GKAP1: variants seen among roughly 807,000 people sequenced by gnomAD.
The protein encoded by GKAP1 is G kinase anchoring protein 1, also known as G kinase-anchoring protein 1.
Under a neutral mutation model 56.7 loss-of-function variants are expected in GKAP1, and 31 were observed. The observed-to-expected ratio is 0.55, with a 90% CI of 0.41 to 0.74. GKAP1 has a LOEUF of 0.74. GKAP1 is among the 30% of genes least tolerant of loss of function. GKAP1 has a pLI of 0.00. For missense variants in GKAP1, 364 were observed against 402.3 expected (o/e 0.90, Z 0.82); for synonymous variants, 151 against 138.6 (o/e 1.09, Z -0.63).
chr9:83,789,710 C>A (rs149930359), intron 4 of GKAP1, among the ~76,000 whole-genome samples: 65 of 152,154 alleles, frequency 4.3e-4, no homozygotes, highest in African/African-American at 1.5e-3. Flanking sequence ...AAGGTGGGGG[C>A]AAGTGATCCA....
In GKAP1 at chr9:83,793,058, T is replaced by C. The variant is rs140261099; in HGVS notation, c.361-4380A>G. 1.4e-3 allele frequency: 1,496 copies of C among 1,046,728 alleles called. 23 individuals carry two copies. The African/African-American group carries it at 0.022, about 15-fold the overall frequency. The allele number at this position is 1,046,728 out of a possible 1,614,324, so 64.8% of individuals were successfully genotyped here. A position where few individuals can be genotyped will look rare whatever the true frequency, so the allele number is the denominator to read the frequency against. ...TTTTTCTTCTATTTAAGCAAACCTA[T>C]AGCTCAATCAGTTAAAGAGTATGAA... On this transcript the variant is annotated intron_variant, in intron 4 of 12. Coordinates refer to ENST00000376371, the MANE Select transcript of GKAP1 (RefSeq NM_025211.4).
chr9:83,767,286 G>A (rs1434451303), intron 8 of GKAP1, among the ~76,000 whole-genome samples: 1 of 152,080 alleles, frequency 6.6e-6, no homozygotes, highest in Non-Finnish European at 1.5e-5. Flanking sequence ...TGTAGCAGAG[G>A]CTGGCAAACT....
Position 83,742,000 on chromosome 9 carries a change from T to C in GKAP1, c.1005A>G (p.Gln335=), listed in dbSNP as rs767665536. ...QVTSLHAALE[Q]ERSKVKVLQA... ...GTAATACTTTCACTTTAGATCTTTC[T>C]TGTTCTAATGCAGCATGAAGTGAAG... The change falls in exon 12 of 13, where the codon CAA becomes CAG. Residue 335 remains glutamine (Q), a synonymous_variant. Coordinates refer to ENST00000376371, the MANE Select transcript of GKAP1 (RefSeq NM_025211.4). 1 of 1,592,872 alleles carries C rather than the reference T, an allele frequency of 6.3e-7. No homozygotes were observed. The highest frequency in any genetic ancestry group is 1.4e-5 in the African/African-American group (1 of 73,622).
In GKAP1 at chr9:83,790,474, C is replaced by T. The variant is rs184007443; in HGVS notation, c.361-1796G>A. On this transcript the variant is annotated intron_variant, in intron 4 of 12. Coordinates refer to ENST00000376371, the MANE Select transcript of GKAP1 (RefSeq NM_025211.4). The stretch of plus-strand genomic sequence containing the variant: ...TTCACTAAACTTAAAGGACAGTAAT[C>T]ATCCTAACAGAAAAATTAACAAAAC... Among the ~76,000 whole-genome samples, 478 of 152,206 alleles carry T rather than the reference C, an allele frequency of 3.1e-3. 2 individuals carry two copies. Among genetic ancestry groups the T allele is most frequent in the African/African-American group, 0.011 (458 of 41,530 alleles).
chr9:83,777,709 GA>G (rs201935130), intron 7 of GKAP1, among the ~76,000 whole-genome samples: 2 of 150,688 alleles, frequency 1.3e-5, no homozygotes, highest in Non-Finnish European at 3.0e-5. Flanking sequence ...GAGTAGCCAT[GA>G]AAAAAAAATC....
intron 5 of GKAP1, among the ~76,000 whole-genome samples, chr9:83,785,510 C>T (rs1032544716): frequency 2.0e-5 from 3 of 152,176 alleles, no homozygotes; most frequent in South Asian, 2.1e-4. Flanking sequence ...CTGCCTTCCC[C>T]ACTCGATCCT....
Position 83,794,239 on chromosome 9 carries a change from T to G in GKAP1, c.360+4946A>C, listed in dbSNP as rs1944208026. ...GACCAGTGGCCTGAAGATATCACAG[T>G]TTTTGTTTCACTTTCAAACAAAGCC... On this transcript the variant is annotated intron_variant, in intron 4 of 12. Transcript: ENST00000376371. Among the ~76,000 whole-genome samples, 3 of 152,066 alleles carry G rather than the reference T, an allele frequency of 2.0e-5. No individual in the cohort carries two copies. In the South Asian group the frequency reaches 6.2e-4, roughly 32 times the overall value.
chr9:83,764,190 C>T (rs1943622768), intron 8 of GKAP1, among the ~76,000 whole-genome samples: 1 of 152,026 alleles, frequency 6.6e-6, no homozygotes, highest in Admixed American at 6.6e-5. Context: ...TGGCTCTGTC[C>T]CCACCCAAAT....
intron 9 of GKAP1, 164 bp from the exon 10 acceptor site, chr9:83,748,536 A>AAATTATACAATTTAATTTAT (rs1943332663): frequency 4.4e-6 from 2 of 450,800 alleles, no homozygotes; most frequent in South Asian, 7.1e-5. Context: ...TCTACAACTT[A>AAATTATACAATTTAATTTAT]AATTAAGTCC....
intron 8 of GKAP1, among the ~76,000 whole-genome samples, chr9:83,763,705 G>A (rs1943613234): frequency 6.6e-6 from 1 of 151,960 alleles, no homozygotes; most frequent in Admixed American, 6.6e-5. Context: ...CTTTTCTGGG[G>A]CTCACCATTT....
intron 2 of GKAP1, among the ~76,000 whole-genome samples, chr9:83,812,492 C>T (rs1423966307): frequency 6.6e-6 from 1 of 150,936 alleles, no homozygotes. Context: ...GGACTACAGG[C>T]ACGTGACACC....
chr9:83,809,747 T>A (rs1944482644), intron 2 of GKAP1, among the ~76,000 whole-genome samples: 1 of 152,254 alleles, frequency 6.6e-6, no homozygotes, highest in African/African-American at 2.4e-5. Flanking sequence ...TAGAGCTTTG[T>A]CATTAAACAC....
chr9:83,764,479 C>T (rs1419039938), intron 8 of GKAP1, among the ~76,000 whole-genome samples: 1 of 152,068 alleles, frequency 6.6e-6, no homozygotes, highest in African/African-American at 2.4e-5. Context: ...GGTATTTCTT[C>T]ATAGCAGTGT....
At chr9:83,741,573 C>T (rs987690933) in intron 12 of GKAP1, among the ~76,000 whole-genome samples, 1 of 151,942 alleles carries the variant, frequency 6.6e-6, no homozygotes, top group Non-Finnish European at 1.5e-5. Context: ...TAAAGTATCA[C>T]CTCACATATT....
In GKAP1 at chr9:83,799,372, C is replaced by T. The variant is rs759013674; in HGVS notation, c.217-44G>A. 4 of 1,328,614 alleles carry T rather than the reference C, an allele frequency of 3.0e-6. No homozygotes were observed. In the South Asian group the frequency reaches 5.3e-5, roughly 18 times the overall value. The allele number at this position is 1,328,614 out of a possible 1,614,324, so 82.3% of individuals were successfully genotyped here. Reference sequence around the variant, plus strand: ...ATATATTAAATTCAGTTTACCAATCCTGGGATACTAATGATTTTTTTAATT... The same window carrying T: ...ATATATTAAATTCAGTTTACCAATCTTGGGATACTAATGATTTTTTTAATT... On this transcript the variant is annotated intron_variant, in intron 3 of 12. Transcript: ENST00000376371.
intron 3 of GKAP1, among the ~76,000 whole-genome samples, chr9:83,799,931 C>G (rs1173570798): frequency 6.6e-6 from 1 of 152,112 alleles, no homozygotes; most frequent in East Asian, 1.9e-4. Context: ...TGCCACTGCA[C>G]TCCAGCCTGG....
At chr9:83,768,517 G>A (rs1274874626) in intron 8 of GKAP1, among the ~76,000 whole-genome samples, 1 of 152,134 alleles carries the variant, frequency 6.6e-6, no homozygotes, top group Non-Finnish European at 1.5e-5. Flanking sequence ...ACAACTCTGA[G>A]TGTCTAAGGG....
At chr9:83,797,793 T>C (rs923280146) in intron 4 of GKAP1, among the ~76,000 whole-genome samples, 2 of 152,232 alleles carry the variant, frequency 1.3e-5, no homozygotes, top group African/African-American at 4.8e-5. Flanking sequence ...TGGTGCAAAT[T>C]TGAGTAGTTT....
intron 6 of GKAP1, among the ~76,000 whole-genome samples, 180 bp from the exon 7 acceptor site, chr9:83,780,584 T>C (rs1242267869): frequency 6.6e-6 from 1 of 152,140 alleles, no homozygotes; most frequent in Non-Finnish European, 1.5e-5. Context: ...TTTAAGATGT[T>C]AAAATTCAGT....
Sources: allele counts gnomAD v4.1 joint callset (sites outside exome capture counted in the v4.1 genomes callset), GRCh38; gene constraint gnomAD v4.1.1; transcripts MANE v1.5; gene names NCBI Gene and HGNC (gene_info 2026-07-23, HGNC 2026-07-21).